Variants in CNKSR1 observed in about 807,000 individuals in gnomAD.
CNKSR1 encodes the protein CNK homolog protein 1.
Under a neutral mutation model 95.6 loss-of-function variants are expected in CNKSR1, and 88 were observed. That is an observed-to-expected ratio of 0.92 (90% confidence interval 0.78 to 1.10). CNKSR1 has a LOEUF of 1.10. CNKSR1 is among the 50% of genes least tolerant of loss of function. CNKSR1 has a pLI of 0.00. For missense variants in CNKSR1, 836 were observed against 912.0 expected (o/e 0.92, Z 1.07); for synonymous variants, 355 against 369.7 (o/e 0.96, Z 0.46).
intron 2 of CNKSR1, 41 bp downstream of exon 2, chr1:26,180,651 C>T: frequency 6.2e-7 from 1 of 1,614,084 alleles, no homozygotes. Flanking sequence ...CTTCCACCAA[C>T]CTGGGGGGTG....
At position 26,182,816 on chromosome 1, in the gene CNKSR1, G is replaced by A. The variant is rs149566116; in HGVS notation, c.624+232G>A. Among the ~76,000 whole-genome samples the A allele has an allele frequency of 5.3e-5, 8 of 152,338 alleles. No individual in the cohort carries two copies. In the East Asian group the frequency reaches 1.5e-3, roughly 29 times the overall value. The stretch of plus-strand genomic sequence containing the variant: ...CCTCAGGTAGTGTGTTCCAGCCTTG[G>A]GATGGAGACGGGGCAGGGGCTTGGG... On this transcript the variant is annotated intron_variant, in intron 6 of 20. Coordinates refer to ENST00000361530, the MANE Select transcript of CNKSR1 (RefSeq NM_006314.3).
intron 2 of CNKSR1, 37 bp downstream of exon 2, chr1:26,180,647 C>G (rs747539721): frequency 4.2e-5 from 67 of 1,614,002 alleles, no homozygotes; most frequent in Non-Finnish European, 5.7e-5. Context: ...GCAGCTTCCA[C>G]CAACCTGGGG....
chr1:26,181,723 T>A, intron 3 of CNKSR1, 134 bp from the exon 4 acceptor site: 1 of 783,316 alleles, frequency 1.3e-6, no homozygotes, highest in Non-Finnish European at 2.2e-6. Context: ...GTCTCAATCA[T>A]CTCCTTTACT....
Position 26,189,617 on chromosome 1 carries a change from C to T in CNKSR1, c.*69C>T, listed in dbSNP as rs1557626980. 1.2e-6 allele frequency: 1 copy of T among 827,416 alleles called. No individual in the cohort carries two copies. The highest frequency in any genetic ancestry group is 1.7e-5 in the Admixed American group (1 of 59,078). The allele number at this position is 827,416 out of a possible 1,614,324, so 51.3% of individuals were successfully genotyped here. On this transcript the variant is annotated 3_prime_UTR_variant, in exon 21 of 21. Coordinates refer to ENST00000361530, the MANE Select transcript of CNKSR1 (RefSeq NM_006314.3). ...CCTCAACCCCAGCTTCTGACGTGTC[C>T]AGGACAGAGCATCCCTGGATTCTGT...
intron 13 of CNKSR1, 92 bp downstream of exon 13, chr1:26,184,704 C>A: frequency 1.4e-6 from 2 of 1,402,512 alleles, no homozygotes; most frequent in Non-Finnish European, 2.0e-6. Flanking sequence ...CCATCCTTCC[C>A]ACACAGCCTC....
rs773767026 is a variant in CNKSR1 at position 26,184,096 on chromosome 1, C to A, written c.881C>A (p.Pro294Gln). 6.2e-7 allele frequency: 1 copy of A among 1,611,982 alleles called. No individual in the cohort carries two copies. The highest frequency in any genetic ancestry group is 8.5e-7 in the Non-Finnish European group (1 of 1,179,522). ...PQTPPQVLDSPHQRSPSLSLA... is the reference protein window; with the variant it reads ...PQTPPQVLDSQHQRSPSLSLA... ...ACGCCCCCTCAGGTCCTGGACTCCC[C>A]GCACCAGAGGAGCCCATCACTGTCT... Residue 294 changes from proline (P) to glutamine (Q), a missense_variant, in exon 10 of 21, where the codon CCG becomes CAG. Pro to Gln is a moderately conservative substitution (Grantham distance 76, BLOSUM62 -1). Coordinates refer to ENST00000361530, the MANE Select transcript of CNKSR1 (RefSeq NM_006314.3).
chr1:26,180,625 G>C lies in CNKSR1; in HGVS notation c.210+15G>C, dbSNP rs750030250. 7 of 1,614,160 alleles carry C rather than the reference G, an allele frequency of 4.3e-6. No individual in the cohort carries two copies. In the East Asian group the frequency reaches 1.3e-4, roughly 31 times the overall value. Reference sequence around the variant, plus strand: ...TCCAGGCCCTGGTGAGTGAATGCTGGTCACACTGGCTGCAGCTTCCACCAA... The same window carrying C: ...TCCAGGCCCTGGTGAGTGAATGCTGCTCACACTGGCTGCAGCTTCCACCAA... On this transcript the variant is annotated intron_variant, in intron 2 of 20. Transcript: ENST00000361530.
At position 26,185,051 on chromosome 1, in the gene CNKSR1, C is replaced by T. The variant is rs770589477; in HGVS notation, c.1173C>T (p.Cys391=). 1.2e-6 allele frequency: 2 copies of T among 1,603,676 alleles called. No homozygotes were observed. Among genetic ancestry groups the T allele is most frequent in the Admixed American group, 3.4e-5 (2 of 59,668 alleles). ...ATRLSRRRVS[C]RELGRPDCDG... ...GGCTGAGCCGCCGGCGGGTGTCATG[C>T]CGTGAGCTGGGCCGGCCGGACTGTG... is the stretch of plus-strand genomic sequence containing the variant. Residue 391 remains cysteine, a synonymous_variant, in exon 14 of 21, where the codon TGC becomes TGT. Transcript: ENST00000361530.
chr1:26,184,144 A>C lies in CNKSR1; in HGVS notation c.926+3A>C. Reference sequence around the variant, plus strand: ...TCTCTGGCCCCACTGTCTCCCAGGTAACAGGCTCTGTCCAGGTGTGTCTTG... The same window carrying C: ...TCTCTGGCCCCACTGTCTCCCAGGTCACAGGCTCTGTCCAGGTGTGTCTTG... On this transcript the variant is annotated splice_donor_region_variant and intron_variant, in intron 10 of 20. Transcript: ENST00000361530. 1.2e-6 allele frequency: 2 copies of C among 1,612,302 alleles called. No homozygotes were observed. The highest frequency in any genetic ancestry group is 1.7e-6 in the Non-Finnish European group (2 of 1,179,532).
Position 26,189,683 on chromosome 1 carries a change from G to A in CNKSR1, c.*135G>A, listed in dbSNP as rs149083112. 1.3e-5 allele frequency: 10 copies of A among 770,122 alleles called. No individual in the cohort carries two copies. The highest frequency in any genetic ancestry group is 8.5e-5 in the African/African-American group (5 of 59,114). 47.7% of individuals were successfully genotyped at this position (770,122 alleles called of 1,614,324 possible). A position where few individuals can be genotyped will look rare whatever the true frequency, so the allele number is the denominator to read the frequency against. On this transcript the variant is annotated 3_prime_UTR_variant, in exon 21 of 21. Transcript: ENST00000361530. ...GTACTGCTAGTCATGGTCTCACCCCGAGCTGACCCCTCTGCCTGGGCTTTG... is the reference window on the plus strand; with the variant it reads ...GTACTGCTAGTCATGGTCTCACCCCAAGCTGACCCCTCTGCCTGGGCTTTG...
At chr1:26,180,263 AG>A in intron 1 of CNKSR1, 189 bp from the exon 2 acceptor site, 1 of 674,106 alleles carries the variant, frequency 1.5e-6, no homozygotes, top group Non-Finnish European at 2.5e-6. Flanking sequence ...GCCACTTTTA[AG>A]AACCCATGTC....
rs756738954 is a variant in CNKSR1 at position 26,189,331 on chromosome 1, T to C, written c.1925T>C (p.Leu642Pro). The C allele has an allele frequency of 5.0e-6, 8 of 1,614,020 alleles. No individual in the cohort carries two copies. Among genetic ancestry groups the C allele is most frequent in the Non-Finnish European group, 6.8e-6 (8 of 1,180,008 alleles). ...GAAGAAGTGCTGGGTGACCCTGAGCTGACAGGAGAGAAGTTCCGCCAGTGG... is the reference window on the plus strand; with the variant it reads ...GAAGAAGTGCTGGGTGACCCTGAGCCGACAGGAGAGAAGTTCCGCCAGTGG... The part of the protein sequence containing the change: ...VLEEVLGDPE[L>P]TGEKFRQWKE... The change falls in exon 21 of 21, where the codon CTG becomes CCG. Residue 642 changes from leucine (L) to proline (P), a missense_variant. By Grantham distance (98) the Leu-to-Pro change is moderately conservative. Transcript: ENST00000361530.
At chr1:26,183,616 T>C (rs2088683988) in intron 8 of CNKSR1, 113 bp from the exon 9 acceptor site, 1 of 1,030,880 alleles carries the variant, frequency 9.7e-7, no homozygotes, top group Non-Finnish European at 1.5e-6. Flanking sequence ...GCTGCATGAG[T>C]GGGAGGCAGA....
At chr1:26,182,047 C>T (rs114806650) in intron 4 of CNKSR1, 106 bp downstream of exon 4, 35,147 of 1,134,980 alleles carry the variant, frequency 0.031, 691 homozygotes, top group Non-Finnish European at 0.039. Context: ...AGGATTGAGA[C>T]GGGCGAGAAA....
intron 17 of CNKSR1, 59 bp downstream of exon 17, chr1:26,188,366 G>A: frequency 6.2e-7 from 1 of 1,611,484 alleles, no homozygotes; most frequent in Non-Finnish European, 8.5e-7. Context: ...GCCTTTCCTG[G>A]GATGGGGGCT....
At chr1:26,187,377 C>G in intron 15 of CNKSR1, 34 bp from the exon 16 acceptor site, 1 of 1,613,272 alleles carries the variant, frequency 6.2e-7, no homozygotes, top group Non-Finnish European at 8.5e-7. Flanking sequence ...GTGGGCACGC[C>G]CAGGCTGAGT....
chr1:26,187,774 C>T (rs1231725374), intron 16 of CNKSR1, among the ~76,000 whole-genome samples: 1 of 151,906 alleles, frequency 6.6e-6, no homozygotes, highest in Admixed American at 6.6e-5. Context: ...AGGTGCCTAC[C>T]ACCATACCCG....
intron 4 of CNKSR1, 48 bp from the exon 5 acceptor site, chr1:26,182,313 T>G: frequency 6.3e-7 from 1 of 1,597,556 alleles, no homozygotes; most frequent in Non-Finnish European, 8.6e-7. Context: ...GCAGTCCCCT[T>G]ATGGCCCTTG....
In CNKSR1 at chr1:26,181,907, A is replaced by T; in HGVS notation, c.443A>T (p.Asp148Val). 1 of 1,613,980 alleles carries T rather than the reference A, an allele frequency of 6.2e-7. No individual in the cohort carries two copies. Among genetic ancestry groups the T allele is most frequent in the Non-Finnish European group, 8.5e-7 (1 of 1,179,910 alleles). Residue 148 changes from aspartate (D) to valine (V), a missense_variant, in exon 4 of 21, where the codon GAC becomes GTC. Transcript: ENST00000361530. ...TTCTCAGCATGCCAGGAGATCCGAGACTTGTTGGAGGAGCTGAGCCAGGTC... is the reference window on the plus strand; with the variant it reads ...TTCTCAGCATGCCAGGAGATCCGAGTCTTGTTGGAGGAGCTGAGCCAGGTC... The part of the protein sequence containing the change: ...NDFSACQEIR[D>V]LLEELSQVLH...
Sources: gnomAD v4.1 joint callset for allele counts (sites outside exome capture counted in the v4.1 genomes callset) on GRCh38, gnomAD v4.1.1 for gene constraint, MANE v1.5 for transcripts, NCBI Gene and HGNC (gene_info 2026-07-23, HGNC 2026-07-21) for gene names.